Variants in SLC4A7 observed in about 807,000 individuals in gnomAD.
SLC4A7 encodes solute carrier family 4 member 7, also known as sodium bicarbonate cotransporter 3.
Under a neutral mutation model 137.6 loss-of-function variants are expected in SLC4A7, and 51 were observed. That is an observed-to-expected ratio of 0.37 (90% CI 0.30 to 0.47). The LOEUF is 0.47. SLC4A7 is among the 20% of genes least tolerant of loss of function. SLC4A7 has a pLI of 1.00. For missense variants in SLC4A7, 1,247 were observed against 1,525.4 expected (o/e 0.82, Z 3.04); for synonymous variants, 542 against 518.6 (o/e 1.05, Z -0.61).
At chr3:27,461,237 A>C (rs1217976771) in intron 1 of SLC4A7, among the ~76,000 whole-genome samples, 1 of 145,952 alleles carries the variant, frequency 6.9e-6, no homozygotes, top group African/African-American at 2.7e-5. Flanking sequence ...CACACACACA[A>C]AACACATTCA....
chr3:27,450,841 TCTTAAA>T (rs979197852), intron 2 of SLC4A7, among the ~76,000 whole-genome samples: 2 of 152,048 alleles, frequency 1.3e-5, no homozygotes, highest in African/African-American at 4.8e-5. Flanking sequence ...ACTCAAACTC[TCTTAAA>T]CTTAATCTCT....
Position 27,431,155 on chromosome 3 carries a change from TAAAG to T in SLC4A7, c.1150+139_1150+142del, listed in dbSNP as rs371031976. 9.4e-3 allele frequency: 8,725 copies of T among 924,644 alleles called. 56 individuals are homozygous for T. Among genetic ancestry groups the T allele is most frequent in the South Asian group, 0.014 (435 of 30,570 alleles). The allele number at this position is 924,644 out of a possible 1,614,324, so 57.3% of individuals were successfully genotyped here. A position where few individuals can be genotyped will look rare whatever the true frequency, so the allele number is the denominator to read the frequency against. ...TGCACCAACCTAACACAATCTATCA[TAAAG>T]AAAAAAAAACATGCAGAAGTCAAAA... On this transcript the variant is annotated intron_variant, in intron 7 of 25. Transcript: ENST00000454389.
chr3:27,397,096 G>A (rs1294706382), intron 18 of SLC4A7, among the ~76,000 whole-genome samples: 2 of 151,976 alleles, frequency 1.3e-5, no homozygotes, highest in East Asian at 1.9e-4. Context: ...TGGCATGGTC[G>A]CAGCTCACTG....
chr3:27,420,442 G>A (rs180942144), intron 10 of SLC4A7, among the ~76,000 whole-genome samples: 15 of 151,800 alleles, frequency 9.9e-5, no homozygotes, highest in Admixed American at 2.6e-4. Flanking sequence ...CCAAAATTTC[G>A]AAAGTTCAAG....
At chr3:27,455,892 A>G (rs983268490) in intron 1 of SLC4A7, among the ~76,000 whole-genome samples, 4 of 152,134 alleles carry the variant, frequency 2.6e-5, no homozygotes, top group African/African-American at 9.7e-5. Context: ...TAGTTCATAA[A>G]TTTAAAAACC....
intron 24 of SLC4A7, among the ~76,000 whole-genome samples, chr3:27,380,591 G>A (rs868017993): frequency 4.6e-5 from 7 of 152,174 alleles, no homozygotes; most frequent in Non-Finnish European, 1.0e-4. Flanking sequence ...TAAATTAACA[G>A]TGTGATGGCA....
chr3:27,484,041 G>A (rs904633837), intron 1 of SLC4A7, 26 bp downstream of exon 1: 2 of 1,386,628 alleles, frequency 1.4e-6, no homozygotes, highest in Non-Finnish European at 1.9e-6. Context: ...CCCTGCGGAG[G>A]AGCCCCACCG....
At chr3:27,436,339 A>G (rs1312700030) in intron 5 of SLC4A7, 49 bp downstream of exon 5, 2 of 1,420,192 alleles carry the variant, frequency 1.4e-6, no homozygotes, top group African/African-American at 2.8e-5. Flanking sequence ...ATGAATGTCT[A>G]AAATTCCACT....
intron 11 of SLC4A7, among the ~76,000 whole-genome samples, chr3:27,416,119 G>C (rs965840584): frequency 6.6e-6 from 1 of 152,108 alleles, no homozygotes; most frequent in Non-Finnish European, 1.5e-5. Flanking sequence ...CAGTATTGCA[G>C]TAAACATGAT....
At chr3:27,427,796 A>C (rs1287423164) in intron 7 of SLC4A7, among the ~76,000 whole-genome samples, 1 of 152,188 alleles carries the variant, frequency 6.6e-6, no homozygotes, top group African/African-American at 2.4e-5. Context: ...TCTTGTCTTT[A>C]GAAATTCCCT....
chr3:27,406,698 G>A (rs929563472), intron 13 of SLC4A7, among the ~76,000 whole-genome samples: 1 of 152,164 alleles, frequency 6.6e-6, no homozygotes, highest in South Asian at 2.1e-4. Context: ...GGAAGCCGAG[G>A]TGGGTGGATT....
At chr3:27,427,697 GAA>G (rs1461946830) in intron 7 of SLC4A7, among the ~76,000 whole-genome samples, 1 of 152,086 alleles carries the variant, frequency 6.6e-6, no homozygotes, top group East Asian at 1.9e-4. Context: ...TTTAAGCACC[GAA>G]AGTAATTGAA....
intron 3 of SLC4A7, among the ~76,000 whole-genome samples, chr3:27,448,194 G>A (rs2057807247): frequency 7.0e-6 from 1 of 143,658 alleles, no homozygotes; most frequent in Non-Finnish European, 1.5e-5. Context: ...CCCAGCCGGG[G>A]TGACAGAGTA....
chr3:27,414,494 C>T (rs1431318617), intron 11 of SLC4A7, among the ~76,000 whole-genome samples: 3 of 152,008 alleles, frequency 2.0e-5, no homozygotes, highest in Admixed American at 6.6e-5. Flanking sequence ...AGTAAGCTAG[C>T]GAAAAGAAAA....
chr3:27,425,032 T>C (rs2055411518), intron 7 of SLC4A7, among the ~76,000 whole-genome samples: 2 of 152,186 alleles, frequency 1.3e-5, no homozygotes, highest in Non-Finnish European at 2.9e-5. Context: ...AGACTAATCA[T>C]TAACACTATG....
In SLC4A7 at chr3:27,407,503, A is replaced by T. The variant is rs185637977; in HGVS notation, c.1941+1853T>A. ...CAAAAAAAAAAAAAAAAATCAGCCT[A>T]TTACCCTGCCTGCCTACCTCATTCT... On this transcript the variant is annotated intron_variant, in intron 13 of 25. Transcript: ENST00000454389. Among the ~76,000 whole-genome samples, 509 of 151,026 alleles carry T rather than the reference A, an allele frequency of 3.4e-3. 7 individuals carry two copies. The highest frequency in any genetic ancestry group is 0.027 in the Admixed American group (414 of 15,156).
At chr3:27,448,434 C>G (rs9846215) in intron 3 of SLC4A7, among the ~76,000 whole-genome samples, 22,980 of 151,374 alleles carry the variant, frequency 0.15, 1,890 homozygotes, top group African/African-American at 0.23. Flanking sequence ...TTTTCACTTA[C>G]ATGAAAGAGA....
chr3:27,403,814 C>T (rs1467330432), intron 14 of SLC4A7, among the ~76,000 whole-genome samples: 1 of 152,186 alleles, frequency 6.6e-6, no homozygotes, highest in Non-Finnish European at 1.5e-5. Context: ...GCTCCAACAT[C>T]ATTACCATCA....
At chr3:27,429,287 A>G (rs2056009048) in intron 7 of SLC4A7, among the ~76,000 whole-genome samples, 1 of 152,108 alleles carries the variant, frequency 6.6e-6, no homozygotes, top group Admixed American at 6.6e-5. Context: ...AAAGAGTTAT[A>G]AACCTTTTCT....
Sources: gnomAD v4.1 joint callset for allele counts (sites outside exome capture counted in the v4.1 genomes callset) on GRCh38, gnomAD v4.1.1 for gene constraint, MANE v1.5 for transcripts, NCBI Gene and HGNC (gene_info 2026-07-23, HGNC 2026-07-21) for gene names.